The following IDE variants were observed in gnomAD, a reference collection of about 807,000 sequenced individuals.
IDE encodes insulin-degrading enzyme.
In IDE, 58 loss-of-function variants were observed where a neutral mutation model predicts 133.2. The observed-to-expected ratio is 0.44, with a 90% CI of 0.35 to 0.54. IDE has a LOEUF of 0.54. Among genes scored for constraint, IDE ranks in the 20% least tolerant of loss-of-function variants. The probability of loss-of-function intolerance (pLI) is 0.00; values close to 1 mark genes in which losing one functional copy is unlikely to be tolerated. For missense variants in IDE, 981 were observed against 1,234.0 expected, an observed-to-expected ratio of 0.79 and a Z score of 3.07; for synonymous variants, 396 against 421.3, an observed-to-expected ratio of 0.94 and a Z score of 0.73.
chr10:92,480,599 G>A (rs142434050), intron 14 of IDE: 97 of 152,288 alleles, frequency 6.4e-4, no homozygotes, highest in African/African-American at 2.1e-3. Flanking sequence ...TGAGCCCTGG[G>A]GATATCTAAG....
At chr10:92,562,647 G>T (rs1179558001) in intron 1 of IDE, among the ~76,000 whole-genome samples, 1 of 151,930 alleles carries the variant, frequency 6.6e-6, no homozygotes. Context: ...ATTTTACCCT[G>T]GACCAAATGT....
At chr10:92,517,677 T>A (rs1849000072) in intron 4 of IDE, among the ~76,000 whole-genome samples, 1 of 152,148 alleles carries the variant, frequency 6.6e-6, no homozygotes, top group Admixed American at 6.5e-5. Context: ...TAATGACCAG[T>A]TCAAGCTGGG....
intron 18 of IDE, 56 bp downstream of exon 18, chr10:92,470,198 G>A: frequency 1.7e-6 from 2 of 1,177,500 alleles, no homozygotes; most frequent in South Asian, 2.8e-5. Context: ...AAAGACTAGA[G>A]GGAAAAAATA....
chr10:92,513,916 G>A (rs772475062), intron 5 of IDE, among the ~76,000 whole-genome samples: 1 of 152,004 alleles, frequency 6.6e-6, no homozygotes. Flanking sequence ...TTTAATACCT[G>A]AGGTATTAAT....
chr10:92,542,639 T>G (rs144164544), intron 1 of IDE, among the ~76,000 whole-genome samples: 1 of 152,294 alleles, frequency 6.6e-6, no homozygotes, highest in East Asian at 1.9e-4. Context: ...TGGGGCACTA[T>G]GGGAGTAACC....
In IDE at chr10:92,537,564, G is replaced by A. The variant is rs759369915; in HGVS notation, c.99-14C>T. On this transcript the variant is annotated splice_polypyrimidine_tract_variant and intron_variant, in intron 1 of 24. Coordinates refer to ENST00000265986, the MANE Select transcript of IDE (RefSeq NM_004969.4). ...TTTTTTTGGAAACTGAAAAGAAAGA[G>A]ATTTTTAATTGTTGATTTGTGACTT... 6.4e-7 allele frequency: 1 copy of A among 1,556,878 alleles called. No homozygotes were observed. Among genetic ancestry groups the A allele is most frequent in the Non-Finnish European group, 8.8e-7 (1 of 1,139,874 alleles).
At chr10:92,551,279 A>G (rs927814191) in intron 1 of IDE, among the ~76,000 whole-genome samples, 4 of 152,236 alleles carry the variant, frequency 2.6e-5, no homozygotes, top group African/African-American at 9.6e-5. Context: ...ATACTAAATG[A>G]AATAAGCTGG....
At chr10:92,566,116 G>A (rs1417926810) in intron 1 of IDE, among the ~76,000 whole-genome samples, 1 of 151,752 alleles carries the variant, frequency 6.6e-6, no homozygotes, top group East Asian at 1.9e-4. Context: ...AGTACTTTGG[G>A]AGGCCAAGGT....
At chr10:92,477,606 A>G (rs978626689) in intron 15 of IDE, among the ~76,000 whole-genome samples, 1 of 152,236 alleles carries the variant, frequency 6.6e-6, no homozygotes, top group African/African-American at 2.4e-5. Flanking sequence ...TCTACGCTGT[A>G]CAGGATGATA....
intron 13 of IDE, among the ~76,000 whole-genome samples, chr10:92,484,672 G>T (rs1391600933): frequency 6.6e-6 from 1 of 152,050 alleles, no homozygotes; most frequent in African/African-American, 2.4e-5. Context: ...GGCAGAGGTT[G>T]CAGTGAGCTG....
chr10:92,551,799 A>G (rs1362246092), intron 1 of IDE, among the ~76,000 whole-genome samples: 4 of 152,040 alleles, frequency 2.6e-5, no homozygotes, highest in Non-Finnish European at 4.4e-5. Flanking sequence ...TGGTTACACA[A>G]CAACGTGGAT....
intron 17 of IDE, among the ~76,000 whole-genome samples, chr10:92,470,712 T>C (rs1480857411): frequency 6.6e-6 from 1 of 152,216 alleles, no homozygotes; most frequent in African/African-American, 2.4e-5. Context: ...TGAAGAGTAC[T>C]GTTCAGTTAT....
intron 11 of IDE, among the ~76,000 whole-genome samples, chr10:92,500,127 G>T (rs190448980): frequency 4.6e-5 from 7 of 151,908 alleles, no homozygotes; most frequent in African/African-American, 1.7e-4. Flanking sequence ...GAGAAACCCC[G>T]TCTCTATTAA....
chr10:92,493,587 T>TA (rs1240906477), intron 11 of IDE, among the ~76,000 whole-genome samples: 63 of 140,314 alleles, frequency 4.5e-4, no homozygotes, highest in Middle Eastern at 7.2e-3. Context: ...ATGCTCAGGT[T>TA]AAAAAAAAAA....
chr10:92,540,816 C>T (rs1842264433), intron 1 of IDE, among the ~76,000 whole-genome samples: 1 of 152,138 alleles, frequency 6.6e-6, no homozygotes. Flanking sequence ...ATAAGCTACA[C>T]TCTGTACTTT....
At chr10:92,483,394 C>T in intron 13 of IDE, 57 bp from the exon 14 acceptor site, 1 of 904,530 alleles carries the variant, frequency 1.1e-6, no homozygotes, top group Non-Finnish European at 1.8e-6. Context: ...CAAAAATGTT[C>T]AATCAAATCA....
At chr10:92,465,223 G>A (rs1845614165) in intron 20 of IDE, among the ~76,000 whole-genome samples, 1 of 152,112 alleles carries the variant, frequency 6.6e-6, no homozygotes, top group East Asian at 1.9e-4. Flanking sequence ...GATCAAATCT[G>A]CCAGTACCTC....
chr10:92,455,621 T>C lies in IDE; in HGVS notation c.2919A>G (p.Pro973=). 6.3e-7 allele frequency: 1 copy of C among 1,599,668 alleles called. No individual in the cohort carries two copies. Among genetic ancestry groups the C allele is most frequent in the South Asian group, 1.1e-5 (1 of 90,772 alleles). The part of the protein sequence containing the change: ...MDSCPVVGEF[P]CQNDINLSQA... ...GTGACAAATTTATGTCATTTTGACA[T>C]GGGAACTCTCCAACAACAGGACCTA... The change falls in exon 24 of 25, where the codon CCA becomes CCG. Residue 973 remains proline (P), a synonymous_variant. Coordinates refer to ENST00000265986, the MANE Select transcript of IDE (RefSeq NM_004969.4).
At chr10:92,557,687 C>T (rs943457591) in intron 1 of IDE, among the ~76,000 whole-genome samples, 3 of 151,834 alleles carry the variant, frequency 2.0e-5, no homozygotes, top group South Asian at 2.1e-4. Flanking sequence ...GCCAGGAGTT[C>T]GAGACTAGCC....
Sources: allele counts gnomAD v4.1 joint callset (sites outside exome capture counted in the v4.1 genomes callset), GRCh38; gene constraint gnomAD v4.1.1; transcripts MANE v1.5; gene names NCBI Gene and HGNC (gene_info 2026-07-23, HGNC 2026-07-21).